The following CLEC16A variants were observed in gnomAD, a reference collection of about 807,000 sequenced individuals.
The protein encoded by CLEC16A is protein CLEC16A.
Under a neutral mutation model 109.5 loss-of-function variants are expected in CLEC16A, and 51 were observed. The observed-to-expected ratio is 0.47, with a 90% CI of 0.37 to 0.59. The LOEUF (loss-of-function observed/expected upper bound fraction) is 0.59, where lower values mean the gene tolerates loss of function less well. Among genes scored for constraint, CLEC16A ranks in the 20% least tolerant of loss-of-function variants. The pLI is 0.00. For synonymous variants in CLEC16A, 673 were observed against 564.2 expected, an observed-to-expected ratio of 1.19 and a Z score of -2.73; for missense variants, 1,339 against 1,394.0, an observed-to-expected ratio of 0.96 and a Z score of 0.63.
chr16:11,163,942 G>A (rs541336612), intron 22 of CLEC16A, among the ~76,000 whole-genome samples: 3 of 152,222 alleles, frequency 2.0e-5, no homozygotes, highest in African/African-American at 7.2e-5. Flanking sequence ...TAAACTGGGG[G>A]GTTTACCGCT....
chr16:11,051,539 C>A lies in CLEC16A; in HGVS notation c.1893C>A (p.Leu631=). 1 of 1,614,022 alleles carries A rather than the reference C, an allele frequency of 6.2e-7. No individual in the cohort carries two copies. The highest frequency in any genetic ancestry group is 1.7e-5 in the Admixed American group (1 of 60,028). ...TGAAGCCCATGAACGTGGAATATCT[C>A]ATGATGGACGCCTCCATCCTGCTGC... ...MTMKPMNVEY[L]MMDASILLPP... Residue 631 remains leucine, a synonymous_variant, in exon 18 of 24, where the codon CTC becomes CTA. Transcript: ENST00000409790.
intron 17 of CLEC16A, 31 bp from the exon 18 acceptor site, chr16:11,051,482 G>C: frequency 6.2e-7 from 1 of 1,600,380 alleles, no homozygotes; most frequent in Non-Finnish European, 8.6e-7. Context: ...TAAGGAATCT[G>C]CTTTGAGGTT....
intron 19 of CLEC16A, among the ~76,000 whole-genome samples, chr16:11,065,407 T>C (rs1273741464): frequency 6.6e-6 from 1 of 152,254 alleles, no homozygotes; most frequent in Non-Finnish European, 1.5e-5. Flanking sequence ...ACTTGTATTC[T>C]GATTTCTAAA....
intron 19 of CLEC16A, among the ~76,000 whole-genome samples, chr16:11,106,494 T>C (rs1394880196): frequency 6.7e-6 from 1 of 149,780 alleles, no homozygotes; most frequent in Non-Finnish European, 1.5e-5. Context: ...GGTATTGCTA[T>C]GTTTCCCAGG....
At chr16:11,068,329 G>A (rs895846118) in intron 19 of CLEC16A, among the ~76,000 whole-genome samples, 8 of 152,168 alleles carry the variant, frequency 5.3e-5, no homozygotes, top group Admixed American at 3.9e-4. Context: ...ATTTGCAAGC[G>A]AATTTTATGT....
intron 1 of CLEC16A, among the ~76,000 whole-genome samples, chr16:10,955,659 C>T (rs2041952034): frequency 6.6e-6 from 1 of 152,194 alleles, no homozygotes. Flanking sequence ...TGGGGATCTT[C>T]AGAGCAGACC....
chr16:11,081,576 C>T (rs192075927), intron 19 of CLEC16A, among the ~76,000 whole-genome samples: 2 of 152,282 alleles, frequency 1.3e-5, no homozygotes, highest in Admixed American at 6.5e-5. Flanking sequence ...TTCCACTCCC[C>T]TCCCCACCTA....
chr16:11,172,226 GCA>G (rs2068549014), intron 23 of CLEC16A, among the ~76,000 whole-genome samples: 1 of 151,940 alleles, frequency 6.6e-6, no homozygotes, highest in South Asian at 2.1e-4. Context: ...TCACATACAT[GCA>G]CACACTCATA....
intron 22 of CLEC16A, among the ~76,000 whole-genome samples, chr16:11,147,306 C>T (rs189991852): frequency 1.6e-4 from 25 of 152,304 alleles, no homozygotes; most frequent in Admixed American, 1.4e-3. Context: ...CATGCCCTGC[C>T]GTGGCCCTGA....
At chr16:11,111,199 A>T (rs181494282) in intron 19 of CLEC16A, among the ~76,000 whole-genome samples, 1 of 152,128 alleles carries the variant, frequency 6.6e-6, no homozygotes, top group Admixed American at 6.5e-5. Flanking sequence ...AACCAACCAC[A>T]TATATTAACT....
intron 11 of CLEC16A, among the ~76,000 whole-genome samples, chr16:11,003,762 T>C (rs1406500370): frequency 6.6e-6 from 1 of 152,146 alleles, no homozygotes; most frequent in Non-Finnish European, 1.5e-5. Context: ...ATTACTGATA[T>C]AATTATTCCC....
intron 19 of CLEC16A, among the ~76,000 whole-genome samples, chr16:11,115,293 G>A (rs1477062224): frequency 6.6e-6 from 1 of 152,172 alleles, no homozygotes; most frequent in Non-Finnish European, 1.5e-5. Flanking sequence ...AGAAAGAAAG[G>A]AAAGAACATG....
chr16:11,058,349 A>G (rs1196700878), intron 18 of CLEC16A, among the ~76,000 whole-genome samples: 1 of 152,254 alleles, frequency 6.6e-6, no homozygotes, highest in African/African-American at 2.4e-5. Flanking sequence ...TCCCTTATAT[A>G]AACGGCGTAG....
intron 22 of CLEC16A, among the ~76,000 whole-genome samples, chr16:11,147,723 T>C (rs1056446118): frequency 6.6e-6 from 1 of 152,166 alleles, no homozygotes; most frequent in African/African-American, 2.4e-5. Flanking sequence ...AAAATACAGC[T>C]CTCAACTTGT....
At position 11,024,679 on chromosome 16, in the gene CLEC16A, A is replaced by G. The variant is rs919211052; in HGVS notation, c.1437-142A>G. ...CTGTCTCTCATTTGTCTGTGTCCTCAGTGCGTGGTGCTGGACCAGGCACAC... is the reference window on the plus strand; with the variant it reads ...CTGTCTCTCATTTGTCTGTGTCCTCGGTGCGTGGTGCTGGACCAGGCACAC... On this transcript the variant is annotated intron_variant, in intron 12 of 23. Transcript: ENST00000409790. 1.2e-5 allele frequency: 7 copies of G among 607,792 alleles called. No homozygotes were observed. In the African/African-American group the frequency reaches 1.3e-4, roughly 11 times the overall value. The allele number at this position is 607,792 out of a possible 1,614,324, so 37.6% of individuals were successfully genotyped here.
intron 8 of CLEC16A, 54 bp from the exon 9 acceptor site, chr16:10,979,255 TTGGCTTTGTGTATTTTGTGC>T (rs966477605): frequency 8.6e-6 from 12 of 1,403,174 alleles, no homozygotes; most frequent in Non-Finnish European, 1.2e-5. Flanking sequence ...CAGAAGGCTT[TTGGCTTTGTGTATTTTGTGC>T]TGCTCGCTTG....
chr16:10,959,649 C>A (rs994297215), intron 2 of CLEC16A, among the ~76,000 whole-genome samples: 1 of 152,104 alleles, frequency 6.6e-6, no homozygotes, highest in East Asian at 1.9e-4. Flanking sequence ...GCCTCAGGTT[C>A]CCTAAGTGCT....
At chr16:11,136,114 C>G (rs2053546098) in intron 22 of CLEC16A, 1 of 152,276 alleles carries the variant, frequency 6.6e-6, no homozygotes, top group Non-Finnish European at 1.5e-5. Flanking sequence ...TGAAAGCACC[C>G]AGCACAAGCC....
chr16:11,002,989 G>A (rs188626871), intron 10 of CLEC16A, 85 bp from the exon 11 acceptor site: 905 of 1,069,322 alleles, frequency 8.5e-4, no homozygotes, highest in Non-Finnish European at 7.0e-4. Flanking sequence ...GAGTTTCTTA[G>A]GACAGAAACT....
Sources: gnomAD v4.1 joint callset for allele counts (sites outside exome capture counted in the v4.1 genomes callset) on GRCh38, gnomAD v4.1.1 for gene constraint, MANE v1.5 for transcripts, NCBI Gene and HGNC (gene_info 2026-07-23, HGNC 2026-07-21) for gene names.